RIMS2: variants seen among roughly 807,000 people sequenced by gnomAD.
The protein encoded by RIMS2 is regulating synaptic membrane exocytosis 2.
In RIMS2, 59 loss-of-function variants were observed where a neutral mutation model predicts 174.4. The ratio of observed to expected loss-of-function variants is 0.34; its 90% CI spans 0.27 to 0.42. The LOEUF (loss-of-function observed/expected upper bound fraction) is 0.42. RIMS2 is among the 10% of genes least tolerant of loss of function. The probability of loss-of-function intolerance (pLI) is 1.00; values close to 1 mark genes in which losing one functional copy is unlikely to be tolerated. For missense variants in RIMS2, 1,620 were observed against 1,666.3 expected (o/e 0.97, Z 0.48); for synonymous variants, 606 against 572.5 (o/e 1.06, Z -0.84).
chr8:103,998,178 C>T, intron 17 of RIMS2: 1 of 1,593,552 alleles, frequency 6.3e-7, no homozygotes, highest in Non-Finnish European at 8.6e-7. Flanking sequence ...TTCTGCCATG[C>T]TTGCAGTCAT....
rs540310021 is a variant in RIMS2, at chr8:103,843,750, C to A, written c.699-41548C>A. ...TAGGAATGAGTTTTACCACATGATG[C>A]TATGGCATATCTATTAATAATTATT... On this transcript the variant is annotated intron_variant, in intron 3 of 23. Coordinates refer to ENST00000504942, the Ensembl canonical transcript of RIMS2. 2.7e-3 allele frequency among the ~76,000 whole-genome samples: 404 copies of A among 152,260 alleles called. 2 individuals carry two copies. The highest frequency in any genetic ancestry group is 4.5e-3 in the Non-Finnish European group (304 of 68,034).
intron 1 of RIMS2, among the ~76,000 whole-genome samples, chr8:103,582,729 A>T (rs2093686642): frequency 1.3e-5 from 2 of 152,174 alleles, no homozygotes. Flanking sequence ...AAGAGTGGAA[A>T]GGATTGTGTC....
At chr8:103,768,498 T>A (rs2098207340) in intron 3 of RIMS2, 1 of 971,246 alleles carries the variant, frequency 1.0e-6, no homozygotes, top group African/African-American at 1.6e-5. Context: ...CATGGCCGTG[T>A]CCGCCTGCTA....
chr8:103,737,394 C>A (rs779060526), intron 2 of RIMS2, among the ~76,000 whole-genome samples: 5 of 151,714 alleles, frequency 3.3e-5, no homozygotes, highest in Admixed American at 3.3e-4. Context: ...ACCATGTTGG[C>A]CAGGCTTGTC....
chr8:104,234,020 GT>G (rs1166814836), intron 19 of RIMS2, among the ~76,000 whole-genome samples: 2 of 152,070 alleles, frequency 1.3e-5, no homozygotes, highest in Non-Finnish European at 2.9e-5. Context: ...TTTATGCATA[GT>G]TTTTTTTCTG....
chr8:103,923,749 A>T (rs970207056), intron 10 of RIMS2, among the ~76,000 whole-genome samples: 13 of 151,816 alleles, frequency 8.6e-5, no homozygotes, highest in Admixed American at 7.9e-4. Context: ...CCCCACCCAC[A>T]TATATAAAAA....
chr8:103,901,474 C>A (rs892223657), intron 4 of RIMS2, among the ~76,000 whole-genome samples: 2 of 152,100 alleles, frequency 1.3e-5, no homozygotes, highest in Non-Finnish European at 2.9e-5. Context: ...GGGCTTGATA[C>A]TTAGCTGTTT....
chr8:104,054,419 A>C (rs1368524676), intron 19 of RIMS2, among the ~76,000 whole-genome samples: 2 of 152,134 alleles, frequency 1.3e-5, no homozygotes, highest in East Asian at 3.9e-4. Flanking sequence ...CCATATATCT[A>C]AATATTTCCT....
intron 1 of RIMS2, among the ~76,000 whole-genome samples, chr8:103,571,571 T>A (rs1376358864): frequency 6.6e-6 from 1 of 152,196 alleles, no homozygotes; most frequent in Non-Finnish European, 1.5e-5. Flanking sequence ...ATATGTATAT[T>A]TGTGTGTATA....
intron 19 of RIMS2, among the ~76,000 whole-genome samples, chr8:104,095,736 A>C (rs1346365619): frequency 6.6e-6 from 1 of 152,098 alleles, no homozygotes; most frequent in African/African-American, 2.4e-5. Context: ...GTGTTAGTAC[A>C]AAGCCTGCTC....
chr8:103,612,167 G>A (rs1021677282), intron 1 of RIMS2, among the ~76,000 whole-genome samples: 1 of 152,196 alleles, frequency 6.6e-6, no homozygotes, highest in East Asian at 1.9e-4. Flanking sequence ...GAATTTATCT[G>A]ATAGAATTTT....
At chr8:104,218,904 G>C (rs1433587779) in intron 19 of RIMS2, among the ~76,000 whole-genome samples, 1 of 152,176 alleles carries the variant, frequency 6.6e-6, no homozygotes, top group African/African-American at 2.4e-5. Flanking sequence ...GCTGCCACAG[G>C]CGTAACCATG....
intron 19 of RIMS2, among the ~76,000 whole-genome samples, chr8:104,170,192 G>A (rs2098823953): frequency 6.6e-6 from 1 of 151,978 alleles, no homozygotes; most frequent in East Asian, 1.9e-4. Context: ...TTGTTCTATG[G>A]TTTAGTTTAA....
At chr8:104,002,276 C>T (rs557577887) in intron 17 of RIMS2, among the ~76,000 whole-genome samples, 1 of 152,096 alleles carries the variant, frequency 6.6e-6, no homozygotes, top group South Asian at 2.1e-4. Context: ...TTTATTCTTG[C>T]TGTTAGCCTC....
At chr8:104,139,807 T>C (rs944881682) in intron 19 of RIMS2, among the ~76,000 whole-genome samples, 2 of 152,128 alleles carry the variant, frequency 1.3e-5, no homozygotes, top group East Asian at 1.9e-4. Context: ...TGTTGAATAA[T>C]AGTGGTGAAA....
At chr8:103,858,167 A>T (rs1199077047) in intron 3 of RIMS2, among the ~76,000 whole-genome samples, 1 of 152,154 alleles carries the variant, frequency 6.6e-6, no homozygotes. Context: ...AATTAGGTTA[A>T]CTTTTTGGGA....
chr8:103,898,806 G>C (rs1028439177), intron 4 of RIMS2, among the ~76,000 whole-genome samples: 3 of 151,346 alleles, frequency 2.0e-5, no homozygotes. Flanking sequence ...CATGTGCCAT[G>C]TTGGTGTGCT....
At chr8:103,836,500 G>A (rs941006427) in intron 3 of RIMS2, among the ~76,000 whole-genome samples, 6 of 152,184 alleles carry the variant, frequency 3.9e-5, no homozygotes, top group African/African-American at 7.2e-5. Context: ...GTTGAACGCT[G>A]CAGTGAGCCA....
At chr8:103,721,985 G>GT (rs1482131181) in intron 2 of RIMS2, among the ~76,000 whole-genome samples, 1 of 152,148 alleles carries the variant, frequency 6.6e-6, no homozygotes, top group Non-Finnish European at 1.5e-5. Flanking sequence ...GGGTCAGAGG[G>GT]TGACGGTAGG....
Sources: allele counts gnomAD v4.1 joint callset (sites outside exome capture counted in the v4.1 genomes callset), GRCh38; gene constraint gnomAD v4.1.1; transcripts MANE v1.5; gene names NCBI Gene and HGNC (gene_info 2026-07-23, HGNC 2026-07-21).